The following NBEA variants were observed in gnomAD, a reference collection of about 807,000 sequenced individuals.
The protein encoded by NBEA is neurobeachin, also known as lysosomal-trafficking regulator 2.
A neutral mutation model predicts 343.4 loss-of-function variants in NBEA; 44 were observed. That is an observed-to-expected ratio of 0.13 (90% CI 0.10 to 0.16). The LOEUF is 0.16. Ranked by LOEUF, NBEA falls within the 10% of genes least tolerant of loss-of-function variation. The probability of loss-of-function intolerance (pLI) is 1.00; values close to 1 mark genes in which losing one functional copy is unlikely to be tolerated. For missense variants in NBEA, 2,555 were observed against 3,631.3 expected, an observed-to-expected ratio of 0.70 and a Z score of 7.62; for synonymous variants, 1,175 against 1,238.7, an observed-to-expected ratio of 0.95 and a Z score of 1.08.
chr13:35,567,133 G>A (rs2080174191), intron 45 of NBEA, 116 bp downstream of exon 45: 5 of 528,262 alleles, frequency 9.5e-6, no homozygotes, highest in Non-Finnish European at 1.3e-5. Context: ...TGATTATCTT[G>A]ACTTACATAG....
intron 50 of NBEA, 36 bp from the exon 51 acceptor site, chr13:35,646,223 A>T: frequency 6.8e-7 from 1 of 1,461,162 alleles, no homozygotes; most frequent in Non-Finnish European, 9.6e-7. Flanking sequence ...TCTTTGATGC[A>T]TATTGATTAT....
At chr13:35,285,382 C>A in intron 34 of NBEA, among the ~76,000 whole-genome samples, 1 of 152,140 alleles carries the variant, frequency 6.6e-6, no homozygotes, top group Non-Finnish European at 1.5e-5. Flanking sequence ...CTAGTTAGTC[C>A]TAGGCATATT....
intron 8 of NBEA, among the ~76,000 whole-genome samples, chr13:35,065,493 C>A (rs1360475943): frequency 6.6e-6 from 1 of 151,790 alleles, no homozygotes; most frequent in Non-Finnish European, 1.5e-5. Flanking sequence ...TAGTTTGCAT[C>A]TTTTCATATT....
chr13:35,283,250 G>C (rs564567397), intron 34 of NBEA, among the ~76,000 whole-genome samples: 51 of 152,190 alleles, frequency 3.4e-4, no homozygotes, highest in African/African-American at 1.1e-3. Flanking sequence ...AAGATTTCTA[G>C]GCTGTATCAA....
At chr13:35,071,501 A>T (rs940769129) in intron 10 of NBEA, among the ~76,000 whole-genome samples, 1 of 152,042 alleles carries the variant, frequency 6.6e-6, no homozygotes, top group African/African-American at 2.4e-5. Flanking sequence ...TTAATGTTAT[A>T]TCTTAGAATT....
chr13:35,403,837 A>G (rs1016697021), intron 38 of NBEA, among the ~76,000 whole-genome samples: 1 of 152,198 alleles, frequency 6.6e-6, no homozygotes, highest in Admixed American at 6.6e-5. Context: ...AATGGGAGAA[A>G]ATTTTCGCGA....
At chr13:35,589,571 A>G (rs1484456092) in intron 46 of NBEA, among the ~76,000 whole-genome samples, 2 of 152,150 alleles carry the variant, frequency 1.3e-5, no homozygotes, top group Non-Finnish European at 2.9e-5. Flanking sequence ...GAAGAACAGA[A>G]CAGAACTACA....
intron 23 of NBEA, among the ~76,000 whole-genome samples, chr13:35,163,643 T>C (rs1174740259): frequency 6.6e-6 from 1 of 152,014 alleles, no homozygotes; most frequent in East Asian, 1.9e-4. Context: ...ATTATATTCT[T>C]GACTGACACC....
intron 49 of NBEA, among the ~76,000 whole-genome samples, chr13:35,634,902 C>T (rs1303517114): frequency 6.6e-6 from 1 of 152,044 alleles, no homozygotes; most frequent in Non-Finnish European, 1.5e-5. Flanking sequence ...AGGAAGTAGG[C>T]TAGATTACTT....
In NBEA at chr13:35,671,175, C is replaced by T. The variant is rs2085600455; in HGVS notation, c.*184C>T. 1 of 550,284 alleles carries T rather than the reference C, an allele frequency of 1.8e-6. No individual in the cohort carries two copies. Among genetic ancestry groups the T allele is most frequent in the Non-Finnish European group, 3.3e-6 (1 of 306,348 alleles). 34.1% of individuals were successfully genotyped at this position (550,284 alleles called of 1,614,324 possible). ...CTTTGTGTGTTTTTTCACGACTGAACACCAGCTGCTATCAAGCAAGCTTAT... is the reference window on the plus strand; with the variant it reads ...CTTTGTGTGTTTTTTCACGACTGAATACCAGCTGCTATCAAGCAAGCTTAT... On this transcript the variant is annotated 3_prime_UTR_variant, in exon 59 of 59. Transcript: ENST00000379939.
At chr13:35,252,548 T>C (rs2032107969) in intron 34 of NBEA, among the ~76,000 whole-genome samples, 1 of 152,188 alleles carries the variant, frequency 6.6e-6, no homozygotes, top group Non-Finnish European at 1.5e-5. Context: ...TGTGATCGAC[T>C]GGGGAGCACA....
intron 41 of NBEA, among the ~76,000 whole-genome samples, chr13:35,525,687 A>G (rs1418842506): frequency 1.3e-5 from 2 of 152,228 alleles, no homozygotes; most frequent in Non-Finnish European, 2.9e-5. Flanking sequence ...TTTTGGGGTC[A>G]CTATAACAAA....
At chr13:35,607,871 C>T (rs912679034) in intron 48 of NBEA, among the ~76,000 whole-genome samples, 6 of 152,092 alleles carry the variant, frequency 3.9e-5, no homozygotes, top group East Asian at 3.9e-4. Flanking sequence ...GCATCTTCCC[C>T]GATTTTTCCT....
chr13:35,006,541 T>A (rs1214427044), intron 1 of NBEA, among the ~76,000 whole-genome samples: 3 of 147,196 alleles, frequency 2.0e-5, no homozygotes, highest in African/African-American at 7.3e-5. Flanking sequence ...GTGTTTTTCC[T>A]TTTTCTAGCC....
chr13:35,440,362 T>C (rs761033346), intron 39 of NBEA, among the ~76,000 whole-genome samples: 8 of 151,928 alleles, frequency 5.3e-5, no homozygotes, highest in Non-Finnish European at 1.0e-4. Context: ...TCTTTTAGAC[T>C]AATTTTTGGT....
At chr13:35,642,338 T>C (rs1356077993) in intron 49 of NBEA, among the ~76,000 whole-genome samples, 1 of 152,186 alleles carries the variant, frequency 6.6e-6, no homozygotes, top group African/African-American at 2.4e-5. Context: ...ATTTTACTTA[T>C]TAATAGTATA....
intron 33 of NBEA, among the ~76,000 whole-genome samples, chr13:35,226,342 A>G (rs2074650127): frequency 6.6e-6 from 1 of 152,142 alleles, no homozygotes; most frequent in African/African-American, 2.4e-5. Context: ...GGAGGGATTC[A>G]GCTGTGAGCC....
At chr13:35,474,179 CAATTT>C (rs1282473113) in intron 41 of NBEA, 1 of 152,480 alleles carries the variant, frequency 6.6e-6, no homozygotes, top group Non-Finnish European at 1.5e-5. Context: ...TGATAGGAAA[CAATTT>C]AAAGTGAGAC....
At position 35,205,174 on chromosome 13, in the gene NBEA, T is replaced by C. The variant is rs557012389; in HGVS notation, c.5367-3526T>C. Among the ~76,000 whole-genome samples the C allele has an allele frequency of 4.6e-5, 7 of 152,280 alleles. No homozygotes were observed. In the South Asian group the frequency reaches 1.4e-3, roughly 32 times the overall value. On this transcript the variant is annotated intron_variant, in intron 31 of 58. Transcript: ENST00000379939. Reference sequence around the variant, plus strand: ...TATTAAGGACAAGAACGTGCAGTCCTTTAGTCCTAGATAAACAGTTTGGCC... The same window carrying C: ...TATTAAGGACAAGAACGTGCAGTCCCTTAGTCCTAGATAAACAGTTTGGCC...
Sources: allele counts gnomAD v4.1 joint callset (sites outside exome capture counted in the v4.1 genomes callset), GRCh38; gene constraint gnomAD v4.1.1; transcripts MANE v1.5; gene names NCBI Gene and HGNC (gene_info 2026-07-23, HGNC 2026-07-21).